The following DPP10 variants were observed in gnomAD, a reference collection of about 807,000 sequenced individuals.
DPP10 encodes inactive dipeptidyl peptidase 10.
A neutral mutation model predicts 120.9 loss-of-function variants in DPP10; 33 were observed. The ratio of observed to expected loss-of-function variants is 0.27; its 90% CI spans 0.21 to 0.37. DPP10 has a LOEUF of 0.37. DPP10 is among the 10% of genes least tolerant of loss of function. The probability of loss-of-function intolerance (pLI) is 1.00; values close to 1 mark genes in which losing one functional copy is unlikely to be tolerated. For synonymous variants in DPP10, 337 were observed against 326.1 expected, an observed-to-expected ratio of 1.03 and a Z score of -0.36; for missense variants, 816 against 942.8, an observed-to-expected ratio of 0.87 and a Z score of 1.76.
intron 1 of DPP10, among the ~76,000 whole-genome samples, chr2:114,778,849 A>G (rs1226865309): frequency 6.6e-6 from 1 of 152,090 alleles, no homozygotes; most frequent in African/African-American, 2.4e-5. Context: ...GTTCTAGCAT[A>G]TTACAATAAA....
intron 1 of DPP10, among the ~76,000 whole-genome samples, chr2:114,736,471 G>T (rs1357526985): frequency 1.3e-5 from 2 of 152,066 alleles, no homozygotes; most frequent in Non-Finnish European, 2.9e-5. Context: ...GATTAGTCAA[G>T]TAAACATATT....
intron 1 of DPP10, among the ~76,000 whole-genome samples, chr2:114,498,183 G>A (rs1433002078): frequency 1.3e-5 from 2 of 152,072 alleles, no homozygotes; most frequent in Non-Finnish European, 2.9e-5. Context: ...TAGGACATTT[G>A]AAATTTACTC....
intron 1 of DPP10, among the ~76,000 whole-genome samples, chr2:115,000,793 G>A (rs947033017): frequency 2.0e-5 from 3 of 151,982 alleles, no homozygotes; most frequent in African/African-American, 7.3e-5. Context: ...CGTTCCTTAA[G>A]GCACTAAAAA....
chr2:115,392,901 CA>C (rs2067417726), intron 3 of DPP10, among the ~76,000 whole-genome samples: 1 of 152,152 alleles, frequency 6.6e-6, no homozygotes, highest in South Asian at 2.1e-4. Context: ...CCATTACCTT[CA>C]AAATAGTCAT....
At chr2:114,746,540 A>C (rs1314964014) in intron 1 of DPP10, among the ~76,000 whole-genome samples, 3 of 152,228 alleles carry the variant, frequency 2.0e-5, no homozygotes, top group African/African-American at 7.2e-5. Context: ...TGCGGAATTC[A>C]GTCTTGCATG....
Position 115,622,478 on chromosome 2 carries a change from G to C in DPP10, c.442-67209G>C, listed in dbSNP as rs951628535. Among the ~76,000 whole-genome samples the C allele has an allele frequency of 2.1e-5, 3 of 145,362 alleles. No individual in the cohort carries two copies. In the South Asian group the frequency reaches 6.5e-4, roughly 32 times the overall value. ...TTTGACTCTTAATGCTGCCATCCAC[G>C]CAAAAGGTTTTTCAGTGTTTCATTT... On this transcript the variant is annotated intron_variant, in intron 5 of 25. Transcript: ENST00000410059.
intron 3 of DPP10, among the ~76,000 whole-genome samples, chr2:115,422,206 G>A (rs2070036866): frequency 6.6e-6 from 1 of 152,170 alleles, no homozygotes; most frequent in East Asian, 1.9e-4. Context: ...CACTGTGAGA[G>A]GCAGAATGGA....
intron 1 of DPP10, among the ~76,000 whole-genome samples, chr2:114,767,563 A>G (rs1313523047): frequency 6.6e-6 from 1 of 152,150 alleles, no homozygotes; most frequent in Non-Finnish European, 1.5e-5. Context: ...AAAAGCATTC[A>G]GAGAAAAGAG....
chr2:114,917,268 G>A (rs1348557912), intron 1 of DPP10, among the ~76,000 whole-genome samples: 1 of 151,968 alleles, frequency 6.6e-6, no homozygotes, highest in Non-Finnish European at 1.5e-5. Context: ...ACCAAGGAAG[G>A]GAAAAATCTC....
At chr2:115,783,163 CAT>C (rs1318432218) in intron 17 of DPP10, among the ~76,000 whole-genome samples, 2 of 151,632 alleles carry the variant, frequency 1.3e-5, no homozygotes, top group African/African-American at 4.9e-5. Flanking sequence ...AATAATGGCT[CAT>C]ATTTATTGAC....
At chr2:115,239,188 T>G (rs996545630) in intron 1 of DPP10, among the ~76,000 whole-genome samples, 2 of 152,152 alleles carry the variant, frequency 1.3e-5, no homozygotes, top group African/African-American at 4.8e-5. Flanking sequence ...CCAGGATCAA[T>G]AGCTTGCATC....
intron 1 of DPP10, among the ~76,000 whole-genome samples, chr2:115,187,226 C>T (rs1377174543): frequency 1.3e-5 from 2 of 149,894 alleles, no homozygotes; most frequent in Non-Finnish European, 3.0e-5. Flanking sequence ...TTAGTAGAGA[C>T]GGGGTTTCAC....
chr2:115,378,235 G>C (rs1420256551), intron 3 of DPP10, among the ~76,000 whole-genome samples: 2 of 151,840 alleles, frequency 1.3e-5, no homozygotes, highest in African/African-American at 4.8e-5. Flanking sequence ...TCATCGAGCA[G>C]TGGTTTGTAG....
intron 3 of DPP10, among the ~76,000 whole-genome samples, chr2:115,479,359 T>C (rs1403560984): frequency 1.3e-5 from 2 of 152,122 alleles, no homozygotes; most frequent in Non-Finnish European, 2.9e-5. Flanking sequence ...CTTAGAGCAG[T>C]CAAAATCATA....
chr2:115,279,652 C>CTT (rs1244784112), intron 1 of DPP10, among the ~76,000 whole-genome samples: 12 of 35,218 alleles, frequency 3.4e-4, no homozygotes, highest in African/African-American at 7.0e-4. Flanking sequence ...TTTTTTTCTT[C>CTT]TTCTTTTTTT....
chr2:115,675,461 A>C (rs1023655433), intron 5 of DPP10, among the ~76,000 whole-genome samples: 1 of 152,110 alleles, frequency 6.6e-6, no homozygotes, highest in African/African-American at 2.4e-5. Context: ...ATTGAATAGG[A>C]TGTTTAAGGG....
chr2:115,717,695 C>G (rs747858989), intron 7 of DPP10, among the ~76,000 whole-genome samples: 1 of 152,112 alleles, frequency 6.6e-6, no homozygotes, highest in Non-Finnish European at 1.5e-5. Context: ...AGGGCCTACA[C>G]GTTTTTGAAC....
intron 1 of DPP10, among the ~76,000 whole-genome samples, chr2:115,004,221 G>C (rs965119842): frequency 6.6e-6 from 1 of 152,162 alleles, no homozygotes; most frequent in African/African-American, 2.4e-5. Flanking sequence ...CATACAGTTT[G>C]ATAAAAGAAA....
intron 1 of DPP10, among the ~76,000 whole-genome samples, chr2:114,941,584 T>C (rs1427028504): frequency 1.3e-5 from 2 of 152,208 alleles, no homozygotes; most frequent in Admixed American, 6.5e-5. Flanking sequence ...CTCCAGTTCA[T>C]TTTAAATTTT....
Sources: allele counts gnomAD v4.1 joint callset (sites outside exome capture counted in the v4.1 genomes callset), GRCh38; gene constraint gnomAD v4.1.1; transcripts MANE v1.5; gene names NCBI Gene and HGNC (gene_info 2026-07-23, HGNC 2026-07-21).